Variants in ARHGAP21 observed in about 807,000 individuals in gnomAD.
The protein encoded by ARHGAP21 is rho GTPase-activating protein 21.
ARHGAP21 carries 38 observed loss-of-function variants against 164.6 expected under a neutral mutation model. That is an observed-to-expected ratio of 0.23 (90% CI 0.18 to 0.30). ARHGAP21 has a LOEUF of 0.30. ARHGAP21 is among the 10% of genes least tolerant of loss of function. The probability of loss-of-function intolerance (pLI) is 1.00; values close to 1 mark genes in which losing one functional copy is unlikely to be tolerated. For missense variants in ARHGAP21, 1,822 were observed against 2,370.7 expected (o/e 0.77, Z 4.81); for synonymous variants, 766 against 857.9 (o/e 0.89, Z 1.87).
intron 2 of ARHGAP21, among the ~76,000 whole-genome samples, chr10:24,720,665 T>C (rs958796714): frequency 1.3e-5 from 2 of 152,234 alleles, no homozygotes; most frequent in Non-Finnish European, 2.9e-5. Context: ...TCCGCTTGCT[T>C]TATGAACCAA....
At chr10:24,622,437 T>TAA (rs1417024810) in intron 8 of ARHGAP21, among the ~76,000 whole-genome samples, 63 of 3,426 alleles carry the variant, frequency 0.018, no homozygotes, top group African/African-American at 0.16. Context: ...AAAAAACATA[T>TAA]ATATATATAT....
At chr10:24,587,726 A>G (rs901150575) in intron 25 of ARHGAP21, among the ~76,000 whole-genome samples, 1 of 152,176 alleles carries the variant, frequency 6.6e-6, no homozygotes, top group Non-Finnish European at 1.5e-5. Flanking sequence ...TCACTTTTAA[A>G]CATCTCAGTT....
rs773753262 is a variant in ARHGAP21, at chr10:24,608,737, C to CT, written c.2423-835dup. Among the ~76,000 whole-genome samples, 7 of 151,812 alleles carry CT rather than the reference C, an allele frequency of 4.6e-5. No homozygotes were observed. The South Asian group carries it at 1.0e-3, about 23-fold the overall frequency. On this transcript the variant is annotated intron_variant, in intron 9 of 25. Coordinates refer to ENST00000396432, the MANE Select transcript of ARHGAP21 (RefSeq NM_020824.4). ...ATTTTATGGCCAAAATCAGTAAATT[C>CT]TAACTGTGTTTAGCTTATTTTCTGT...
chr10:24,624,740 T>C (rs1217939379), intron 7 of ARHGAP21, among the ~76,000 whole-genome samples: 2 of 152,126 alleles, frequency 1.3e-5, no homozygotes, highest in Admixed American at 6.6e-5. Context: ...ATTAACAATT[T>C]TGAATTTTAG....
intron 9 of ARHGAP21, among the ~76,000 whole-genome samples, chr10:24,612,106 T>C (rs1472282338): frequency 1.3e-5 from 2 of 152,218 alleles, no homozygotes; most frequent in Non-Finnish European, 2.9e-5. Flanking sequence ...TTTATGATTA[T>C]AGTTGACAAT....
intron 6 of ARHGAP21, 47 bp from the exon 7 acceptor site, chr10:24,630,097 A>G: frequency 9.3e-7 from 1 of 1,070,898 alleles, no homozygotes; most frequent in Non-Finnish European, 1.3e-6. Flanking sequence ...AAGTGTATAA[A>G]AAAAGACTTA....
intron 2 of ARHGAP21, among the ~76,000 whole-genome samples, chr10:24,712,135 C>T (rs1565204461): frequency 6.6e-6 from 1 of 152,044 alleles, no homozygotes; most frequent in Admixed American, 6.5e-5. Context: ...AGGGTGGTCT[C>T]GAACTCCTGA....
chr10:24,658,545 T>C (rs1306360300), intron 4 of ARHGAP21, among the ~76,000 whole-genome samples: 3 of 152,190 alleles, frequency 2.0e-5, no homozygotes, highest in African/African-American at 7.2e-5. Flanking sequence ...TCGATGAAGC[T>C]AGAAACCATC....
At chr10:24,625,050 T>TTGGGGGGGGGGG (rs1554975500) in intron 7 of ARHGAP21, among the ~76,000 whole-genome samples, 1 of 778 alleles carries the variant, frequency 1.3e-3, no homozygotes, top group Non-Finnish European at 3.5e-3. Context: ...CTCTAAAAAG[T>TTGGGGGGGGGGG]GGGGGGGGGG....
intron 4 of ARHGAP21, chr10:24,640,350 TGTTTC>T (rs1302815883): frequency 6.6e-6 from 1 of 151,676 alleles, no homozygotes; most frequent in Non-Finnish European, 1.5e-5. Context: ...ATTGAGCTTT[TGTTTC>T]TTCTCTCTCA....
At chr10:24,615,017 C>T (rs530760850) in intron 9 of ARHGAP21, among the ~76,000 whole-genome samples, 245 of 151,764 alleles carry the variant, frequency 1.6e-3, no homozygotes, top group African/African-American at 5.7e-3. Context: ...GGTGAAACCC[C>T]GTTTCTACTA....
rs1234285835 is a variant in ARHGAP21, at chr10:24,584,646, T to C, written c.5643A>G (p.Arg1881=). ...AAGGTGTGTCGGTCGTGGCTATTTC[T>C]CGTGTGCTTGGGTTCTCTGTCTGGG... ...GDPQTENPST[R]EIATTDTPLS... is the part of the protein sequence containing the mutation. Residue 1881 remains arginine (R), a synonymous_variant, in exon 26 of 26, where the codon CGA becomes CGG. Coordinates refer to ENST00000396432, the MANE Select transcript of ARHGAP21 (RefSeq NM_020824.4). 5 of 1,613,856 alleles carry C rather than the reference T, an allele frequency of 3.1e-6. No individual in the cohort carries two copies. Among genetic ancestry groups the C allele is most frequent in the Non-Finnish European group, 4.2e-6 (5 of 1,179,884 alleles).
At chr10:24,645,546 T>G (rs1286746260) in intron 4 of ARHGAP21, among the ~76,000 whole-genome samples, 1 of 150,298 alleles carries the variant, frequency 6.7e-6, no homozygotes, top group East Asian at 2.0e-4. Flanking sequence ...ATTGTGCTGC[T>G]ATACTCCAGA....
chr10:24,694,145 G>C (rs1028814446), intron 2 of ARHGAP21, among the ~76,000 whole-genome samples: 4 of 152,170 alleles, frequency 2.6e-5, no homozygotes, highest in Non-Finnish European at 5.9e-5. Context: ...CTAGGCCCCA[G>C]AAAGTACCAT....
rs1593417035 is a variant in ARHGAP21 at position 24,723,867 on chromosome 10, C to G, written c.-686G>C. 6.6e-6 allele frequency among the ~76,000 whole-genome samples: 1 copy of G among 151,074 alleles called. No individual in the cohort carries two copies. Among genetic ancestry groups the G allele is most frequent in the South Asian group, 2.1e-4 (1 of 4,826 alleles). ...GGCCGGGGCCCAGCTCCGGCGCCCGCGAACGCCAAGTGACAGAAGCGCCTC... is the reference window on the plus strand; with the variant it reads ...GGCCGGGGCCCAGCTCCGGCGCCCGGGAACGCCAAGTGACAGAAGCGCCTC... On this transcript the variant is annotated 5_prime_UTR_variant, in exon 1 of 26. Transcript: ENST00000396432.
intron 22 of ARHGAP21, 21 bp from the exon 23 acceptor site, chr10:24,591,704 G>T (rs1405109092): frequency 2.0e-5 from 32 of 1,613,384 alleles, no homozygotes; most frequent in Non-Finnish European, 2.5e-5. Context: ...AAAAAGGTGA[G>T]AAGAGAAATT....
chr10:24,591,487 A>G, intron 23 of ARHGAP21, 155 bp downstream of exon 23: 1 of 1,127,856 alleles, frequency 8.9e-7, no homozygotes, highest in South Asian at 1.4e-5. Flanking sequence ...TAAGCACCGT[A>G]CTTGTATATT....
intron 9 of ARHGAP21, among the ~76,000 whole-genome samples, chr10:24,610,599 A>G (rs1307239947): frequency 6.6e-6 from 1 of 152,096 alleles, no homozygotes; most frequent in Non-Finnish European, 1.5e-5. Context: ...AATCTACTCC[A>G]TTATTCAATT....
In ARHGAP21 at chr10:24,691,472, T is replaced by TA. The variant is rs200411698; in HGVS notation, c.64-21076dup. On this transcript the variant is annotated intron_variant, in intron 2 of 25. Coordinates refer to ENST00000396432, the MANE Select transcript of ARHGAP21 (RefSeq NM_020824.4). ...TATTTATTTCAAAAACCCAACTAAG[T>TA]AAAAAATTCTAAATATAGAAGGTAT... is the stretch of plus-strand genomic sequence containing the variant. Among the ~76,000 whole-genome samples the TA allele has an allele frequency of 2.6e-5, 4 of 152,290 alleles. No homozygotes were observed. The South Asian group carries it at 8.3e-4, about 32-fold the overall frequency.
Sources: gnomAD v4.1 joint callset for allele counts (sites outside exome capture counted in the v4.1 genomes callset) on GRCh38, gnomAD v4.1.1 for gene constraint, MANE v1.5 for transcripts, NCBI Gene and HGNC (gene_info 2026-07-23, HGNC 2026-07-21) for gene names.